Variants in PAK1 observed in about 807,000 individuals in gnomAD.
The protein encoded by PAK1 is serine/threonine-protein kinase PAK 1.
PAK1 carries 29 observed loss-of-function variants against 67.4 expected under a neutral mutation model. The observed-to-expected ratio is 0.43, with a 90% confidence interval of 0.32 to 0.59. The LOEUF is 0.59. Ranked by LOEUF, PAK1 falls within the 20% of genes least tolerant of loss-of-function variation. PAK1 has a pLI of 0.07. For synonymous variants in PAK1, 223 were observed against 237.4 expected, an observed-to-expected ratio of 0.94 and a Z score of 0.56; for missense variants, 337 against 670.7, an observed-to-expected ratio of 0.50 and a Z score of 5.50.
chr11:77,388,124 T>C (rs180739388), intron 2 of PAK1, among the ~76,000 whole-genome samples: 1 of 152,360 alleles, frequency 6.6e-6, no homozygotes, highest in Admixed American at 6.5e-5. Context: ...GTATGTTTTC[T>C]ACCTCTATGT....
the PAK1 span, among the ~76,000 whole-genome samples, chr11:77,487,735 T>C: frequency 7.6e-4 from 116 of 152,004 alleles, no homozygotes; most frequent in South Asian, 1.7e-3. Flanking sequence ...AAGAACTTTA[T>C]CTTGTGTCTT....
intron 5 of PAK1, among the ~76,000 whole-genome samples, chr11:77,371,396 T>C (rs1157575141): frequency 6.6e-6 from 1 of 152,094 alleles, no homozygotes; most frequent in African/African-American, 2.4e-5. Flanking sequence ...CTGTCATTAA[T>C]TTTTTTTCTC....
At chr11:77,344,308 C>A (rs1944079793) in intron 9 of PAK1, among the ~76,000 whole-genome samples, 1 of 152,156 alleles carries the variant, frequency 6.6e-6, no homozygotes, top group African/African-American at 2.4e-5. Flanking sequence ...GAGGCTCATA[C>A]AAAATGCTAG....
At chr11:77,511,907 G>T in the PAK1 span, among the ~76,000 whole-genome samples, 2 of 152,122 alleles carry the variant, frequency 1.3e-5, no homozygotes, top group Non-Finnish European at 2.9e-5. Context: ...ACAAGGAAGG[G>T]GTTGGGGGGC....
chr11:77,331,139 G>A (rs1390136976), intron 14 of PAK1, among the ~76,000 whole-genome samples: 7 of 152,160 alleles, frequency 4.6e-5, no homozygotes, highest in Non-Finnish European at 8.8e-5. Context: ...GAAACAACAC[G>A]TGCTGGAGAG....
rs1299344215 is a variant in PAK1 at position 77,473,652 on chromosome 11, TCA to T, written c.-124_-123del. On this transcript the variant is annotated 5_prime_UTR_variant, in exon 1 of 15. Transcript: ENST00000356341. ...GCGCGAGTGTGCGCGAGCTACCGCT[TCA>T]CTTTCTCCCTCCTGCCGCCGCCGCC... 2 of 150,554 alleles carry T rather than the reference TCA, an allele frequency of 1.3e-5. No individual in the cohort carries two copies. Among genetic ancestry groups the T allele is most frequent in the African/African-American group, 2.4e-5 (1 of 40,856 alleles). The allele number at this position is 150,554 out of a possible 1,614,324, so 9.3% of individuals were successfully genotyped here.
chr11:77,433,669 C>T (rs1385920085), intron 1 of PAK1, among the ~76,000 whole-genome samples: 1 of 152,140 alleles, frequency 6.6e-6, no homozygotes, highest in Non-Finnish European at 1.5e-5. Flanking sequence ...GTCCCAGCTA[C>T]TGGAGAGGCT....
rs532986957 is a variant in PAK1 at position 77,448,152 on chromosome 11, T to C, written c.-22+25400A>G. Among the ~76,000 whole-genome samples the C allele has an allele frequency of 1.7e-3, 260 of 152,288 alleles. 2 individuals are homozygous for C. The highest frequency in any genetic ancestry group is 5.9e-3 in the African/African-American group (245 of 41,546). On this transcript the variant is annotated intron_variant, in intron 1 of 14. Transcript: ENST00000356341. ...GAGTTACCAGCTGTGAGATCAGAAA[T>C]TAATCATTTAATCTCTCTGGACCTC...
At chr11:77,488,963 G>C in the PAK1 span, among the ~76,000 whole-genome samples, 9 of 152,226 alleles carry the variant, frequency 5.9e-5, no homozygotes, top group Non-Finnish European at 8.8e-5. Context: ...AGAACACCAG[G>C]TAGATTTAGC....
chr11:77,384,569 G>A (rs1200868920), intron 2 of PAK1, among the ~76,000 whole-genome samples: 1 of 152,216 alleles, frequency 6.6e-6, no homozygotes, highest in Non-Finnish European at 1.5e-5. Context: ...ATTCAGCCAT[G>A]AAGAGAAATG....
chr11:77,375,108 G>A (rs1385998766), intron 4 of PAK1, among the ~76,000 whole-genome samples: 1 of 152,192 alleles, frequency 6.6e-6, no homozygotes, highest in African/African-American at 2.4e-5. Context: ...CATTGTATAT[G>A]CGGTCTGTTG....
intron 1 of PAK1, among the ~76,000 whole-genome samples, chr11:77,430,142 G>A (rs895917897): frequency 6.6e-6 from 1 of 151,926 alleles, no homozygotes; most frequent in Non-Finnish European, 1.5e-5. Flanking sequence ...GGGCTTGTGT[G>A]GTGCCAAAGA....
At chr11:77,350,412 G>A (rs1945078860) in intron 8 of PAK1, among the ~76,000 whole-genome samples, 1 of 152,110 alleles carries the variant, frequency 6.6e-6, no homozygotes, top group African/African-American at 2.4e-5. Context: ...AAGGGGGGAA[G>A]AAATGCAGAA....
chr11:77,383,914 A>G (rs1426014208), intron 2 of PAK1, among the ~76,000 whole-genome samples: 1 of 152,202 alleles, frequency 6.6e-6, no homozygotes, highest in Admixed American at 6.5e-5. Flanking sequence ...AAAGAATCTC[A>G]GAGGAAGGAT....
chr11:77,465,455 T>C (rs2135526606), intron 1 of PAK1, among the ~76,000 whole-genome samples: 1 of 152,258 alleles, frequency 6.6e-6, no homozygotes, highest in South Asian at 2.1e-4. Context: ...ATATAATCTC[T>C]AGAAAGTCCA....
chr11:77,346,029 G>A (rs1398363706), intron 9 of PAK1, among the ~76,000 whole-genome samples: 2 of 152,160 alleles, frequency 1.3e-5, no homozygotes, highest in Non-Finnish European at 2.9e-5. Flanking sequence ...AGGCTGGAGT[G>A]CAATGGCAAT....
At chr11:77,369,531 T>C (rs2136875802) in intron 5 of PAK1, among the ~76,000 whole-genome samples, 1 of 138,278 alleles carries the variant, frequency 7.2e-6, no homozygotes, top group South Asian at 2.5e-4. Context: ...CACTGCAACC[T>C]CTGCCTCCCA....
intron 2 of PAK1, among the ~76,000 whole-genome samples, chr11:77,382,596 A>G (rs752573566): frequency 2.0e-5 from 3 of 152,202 alleles, no homozygotes; most frequent in Non-Finnish European, 4.4e-5. Flanking sequence ...TTAAAAATCC[A>G]AAATGTAAGC....
intron 1 of PAK1, among the ~76,000 whole-genome samples, chr11:77,457,378 T>C (rs1957128336): frequency 1.3e-5 from 2 of 152,178 alleles, no homozygotes; most frequent in Admixed American, 1.3e-4. Context: ...TCAAAAACAA[T>C]GTGAAAAGAT....
Sources: gnomAD v4.1 joint callset for allele counts (sites outside exome capture counted in the v4.1 genomes callset) on GRCh38, gnomAD v4.1.1 for gene constraint, MANE v1.5 for transcripts, NCBI Gene and HGNC (gene_info 2026-07-23, HGNC 2026-07-21) for gene names.